FGF13: variants seen among roughly 807,000 people sequenced by gnomAD.
FGF13 encodes the protein fibroblast growth factor homologous factor 2.
A neutral mutation model predicts 19.5 loss-of-function variants in FGF13; 2 were observed. That is an observed-to-expected ratio of 0.10 (90% CI 0.04 to 0.32). The LOEUF (loss-of-function observed/expected upper bound fraction) is 0.32, where lower values mean the gene tolerates loss of function less well. Among genes scored for constraint, FGF13 ranks in the 10% least tolerant of loss-of-function variants. The pLI is 1.00. For missense variants in FGF13, 113 were observed against 192.7 expected (o/e 0.59, Z 2.45); for synonymous variants, 72 against 76.9 (o/e 0.94, Z 0.33).
intron 1 of FGF13, among the ~76,000 whole-genome samples, chrX:139,036,340 GT>G (rs2092250574): frequency 9.0e-6 from 1 of 111,229 alleles, no homozygotes; most frequent in Non-Finnish European, 1.9e-5. Context: ...TTTCTATGGA[GT>G]TTACTGAAAA....
At position 138,621,689 on chromosome X, in the gene FGF13, A is replaced by G. The variant is rs768180554; in HGVS notation, c.*11161T>C. The G allele has an allele frequency of 2.0e-4, 22 of 111,559 alleles. No individual in the cohort carries two copies. The highest frequency in any genetic ancestry group is 7.1e-4 in the African/African-American group (22 of 30,798). The allele number at this position is 111,559 out of a possible 1,213,427, so 9.2% of individuals were successfully genotyped here. ...TTTTTGAAAAGATTAAAAAACAGACAAGCCTTTAGCTAGAGTAACTGAGAG... is the reference window on the plus strand; with the variant it reads ...TTTTTGAAAAGATTAAAAAACAGACGAGCCTTTAGCTAGAGTAACTGAGAG... On this transcript the variant is annotated 3_prime_UTR_variant, in exon 5 of 5. Transcript: ENST00000315930.
chrX:139,201,150 T>A (rs1484845599), intron 1 of FGF13, among the ~76,000 whole-genome samples: 2 of 112,121 alleles, frequency 1.8e-5, no homozygotes, highest in African/African-American at 6.5e-5. Context: ...GCCTATCTTG[T>A]CTGGCTACAT....
At chrX:139,086,687 CATA>C (rs1379962077) in intron 1 of FGF13, among the ~76,000 whole-genome samples, 2 of 111,865 alleles carry the variant, frequency 1.8e-5, no homozygotes, top group African/African-American at 6.5e-5. Context: ...ATTATGTATC[CATA>C]ATAATTAGAA....
At chrX:139,164,688 C>CAAATAAATAAATAAAT (rs778262336) in intron 1 of FGF13, among the ~76,000 whole-genome samples, 2,217 of 92,520 alleles carry the variant, frequency 0.024, 41 homozygotes, top group Admixed American at 0.079. Flanking sequence ...GACCTTGTCT[C>CAAATAAATAAATAAAT]AAATAAATAA....
intron 1 of FGF13, among the ~76,000 whole-genome samples, chrX:139,052,772 G>A (rs1180607835): frequency 9.0e-6 from 1 of 111,496 alleles, no homozygotes; most frequent in Non-Finnish European, 1.9e-5. Context: ...CCTCTTAGTA[G>A]CCATTGCTTT....
chrX:138,706,776 T>C (rs922335514), intron 2 of FGF13, among the ~76,000 whole-genome samples: 2 of 112,146 alleles, frequency 1.8e-5, no homozygotes, highest in Admixed American at 1.9e-4. Context: ...TCTTGTTTCA[T>C]GATGGCTTAT....
At chrX:138,704,887 G>A (rs1412351214) in intron 2 of FGF13, among the ~76,000 whole-genome samples, 2 of 112,557 alleles carry the variant, frequency 1.8e-5, no homozygotes, top group Non-Finnish European at 3.7e-5. Flanking sequence ...TGACATCTCT[G>A]AGCATGTCAT....
intron 1 of FGF13, among the ~76,000 whole-genome samples, chrX:139,084,821 C>T (rs888236906): frequency 8.9e-6 from 1 of 112,269 alleles, no homozygotes; most frequent in African/African-American, 3.2e-5. Flanking sequence ...CCAATTTGTC[C>T]TTTAATACTT....
chrX:138,709,020 A>G, intron 1 of FGF13, 92 bp from the exon 2 acceptor site: 1 of 481,173 alleles, frequency 2.1e-6, no homozygotes, highest in Non-Finnish European at 3.5e-6. Flanking sequence ...TCATTTACAA[A>G]TCTTAATGGA....
chrX:138,822,527 G>A (rs1326657197), intron 3 of FGF13, among the ~76,000 whole-genome samples: 2 of 111,632 alleles, frequency 1.8e-5, no homozygotes, highest in African/African-American at 6.5e-5. Context: ...ATGAGGTGGT[G>A]AAGCTCCCAG....
chrX:139,147,869 T>C (rs1411929251), intron 1 of FGF13, among the ~76,000 whole-genome samples: 1 of 110,917 alleles, frequency 9.0e-6, no homozygotes, highest in Non-Finnish European at 1.9e-5. Flanking sequence ...TGGGTTTTTT[T>C]TTTTTGCCAT....
At position 138,711,121 on chromosome X, in the gene FGF13, C is replaced by A; in HGVS notation, c.-118G>T. 9.0e-7 allele frequency: 1 copy of A among 1,111,935 alleles called. No homozygotes were observed. The highest frequency in any genetic ancestry group is 2.2e-5 in the South Asian group (1 of 44,512). The allele number at this position is 1,111,935 out of a possible 1,213,427, so 91.6% of individuals were successfully genotyped here. On this transcript the variant is annotated 5_prime_UTR_variant, in exon 1 of 5. Transcript: ENST00000315930. ...GACTTCGCCGCTTTGGTCTCCTTAG[C>A]CTGCGTTTGCCCGGGCTTCTCCGCA...
intron 1 of FGF13, among the ~76,000 whole-genome samples, chrX:139,074,445 C>A (rs1483027583): frequency 8.9e-6 from 1 of 111,827 alleles, no homozygotes; most frequent in Non-Finnish European, 1.9e-5. Flanking sequence ...CTTAATTAGG[C>A]TCAGAGAGGT....
intron 3 of FGF13, among the ~76,000 whole-genome samples, chrX:138,746,647 C>T (rs2124311001): frequency 8.9e-6 from 1 of 112,146 alleles, no homozygotes; most frequent in South Asian, 3.7e-4. Context: ...GAGTCCTGTG[C>T]TCTTCTGCTT....
At chrX:138,805,191 G>A (rs931933807) in intron 3 of FGF13, among the ~76,000 whole-genome samples, 7 of 111,274 alleles carry the variant, frequency 6.3e-5, no homozygotes, top group Admixed American at 2.9e-4. Context: ...CCTCAGATAC[G>A]GATAACAAAA....
intron 1 of FGF13, among the ~76,000 whole-genome samples, chrX:138,975,528 T>C (rs1371431309): frequency 9.3e-6 from 1 of 107,738 alleles, no homozygotes; most frequent in Non-Finnish European, 1.9e-5. Flanking sequence ...ACTTAAAGTA[T>C]AATAAAAAAA....
intron 3 of FGF13, among the ~76,000 whole-genome samples, chrX:138,774,031 T>C (rs1348638171): frequency 8.9e-6 from 1 of 111,836 alleles, no homozygotes; most frequent in Non-Finnish European, 1.9e-5. Flanking sequence ...TACTGTCCTC[T>C]GTCCTTTCAT....
chrX:138,673,104 G>A (rs2089630295), intron 3 of FGF13, among the ~76,000 whole-genome samples: 1 of 111,404 alleles, frequency 9.0e-6, no homozygotes, highest in Non-Finnish European at 1.9e-5. Flanking sequence ...TAAATAGACA[G>A]AATGGGAAGA....
At chrX:139,061,494 TGCACTC>T (rs1284707138) in intron 1 of FGF13, among the ~76,000 whole-genome samples, 5 of 111,691 alleles carry the variant, frequency 4.5e-5, no homozygotes, top group Non-Finnish European at 9.4e-5. Flanking sequence ...CACTCTCACA[TGCACTC>T]CACCATGTGA....
Sources: allele counts gnomAD v4.1 joint callset (sites outside exome capture counted in the v4.1 genomes callset), GRCh38; gene constraint gnomAD v4.1.1; transcripts MANE v1.5; gene names NCBI Gene and HGNC (gene_info 2026-07-23, HGNC 2026-07-21).